Variants in MTHFD2L observed in about 807,000 individuals in gnomAD.
MTHFD2L encodes bifunctional methylenetetrahydrofolate dehydrogenase/cyclohydrolase 2, mitochondrial.
MTHFD2L carries 29 observed loss-of-function variants against 34.9 expected under a neutral mutation model. The ratio of observed to expected loss-of-function variants is 0.83; its 90% CI spans 0.62 to 1.13. The LOEUF (loss-of-function observed/expected upper bound fraction) is 1.13. MTHFD2L is among the 50% of genes most tolerant of loss of function. MTHFD2L has a pLI of 0.00. For missense variants in MTHFD2L, 481 were observed against 446.5 expected, an observed-to-expected ratio of 1.08 and a Z score of -0.70; for synonymous variants, 167 against 155.7, an observed-to-expected ratio of 1.07 and a Z score of -0.54.
intron 3 of MTHFD2L, among the ~76,000 whole-genome samples, chr4:74,198,598 A>AT (rs910479287): frequency 6.6e-6 from 1 of 151,956 alleles, no homozygotes; most frequent in Admixed American, 6.6e-5. Context: ...CATCACCTAG[A>AT]TTTTTTTTAA....
chr4:74,208,926 G>C (rs975786666), intron 5 of MTHFD2L, among the ~76,000 whole-genome samples: 1 of 152,150 alleles, frequency 6.6e-6, no homozygotes, highest in African/African-American at 2.4e-5. Context: ...CTGACAGAGG[G>C]TGCTGTTTTG....
intron 6 of MTHFD2L, among the ~76,000 whole-genome samples, chr4:74,230,312 G>C (rs1054431972): frequency 6.6e-6 from 1 of 151,880 alleles, no homozygotes; most frequent in Non-Finnish European, 1.5e-5. Context: ...AAAGGTGGCC[G>C]GGTGCAGTGG....
chr4:74,291,162 C>T (rs1279327872), intron 7 of MTHFD2L, among the ~76,000 whole-genome samples: 2 of 151,134 alleles, frequency 1.3e-5, no homozygotes, highest in Non-Finnish European at 1.5e-5. Flanking sequence ...GGACTACAGA[C>T]GCACGTGCCA....
upstream of MTHFD2L, among the ~76,000 whole-genome samples, chr4:74,121,401 C>G (rs1721754032): frequency 6.6e-6 from 1 of 151,674 alleles, no homozygotes; most frequent in South Asian, 2.1e-4. Flanking sequence ...TTTCCAATAT[C>G]CTATCTTTGT....
chr4:74,184,240 T>C (rs1376387190), intron 3 of MTHFD2L, among the ~76,000 whole-genome samples: 1 of 152,174 alleles, frequency 6.6e-6, no homozygotes, highest in Non-Finnish European at 1.5e-5. Flanking sequence ...GGTTGTCAAA[T>C]TGGTTAAAAA....
intron 1 of MTHFD2L, among the ~76,000 whole-genome samples, chr4:74,140,120 A>G (rs1294819495): frequency 1.3e-5 from 2 of 152,072 alleles, no homozygotes; most frequent in African/African-American, 2.4e-5. Flanking sequence ...GTTTGAGACC[A>G]GCCTGGGCAA....
At chr4:74,186,681 G>A (rs769914851) in intron 3 of MTHFD2L, among the ~76,000 whole-genome samples, 1 of 151,918 alleles carries the variant, frequency 6.6e-6, no homozygotes, top group Admixed American at 6.6e-5. Context: ...ACAAACTAAA[G>A]GAGGCCTAAA....
chr4:74,117,327 CTA>C (rs993624670), intron 2 of MTHFD2L, among the ~76,000 whole-genome samples: 3 of 152,154 alleles, frequency 2.0e-5, no homozygotes, highest in African/African-American at 7.2e-5. Flanking sequence ...TGAGTGTTTA[CTA>C]TGTGTGAGGT....
chr4:74,220,092 A>ATTT (rs35484581), intron 5 of MTHFD2L, among the ~76,000 whole-genome samples: 2 of 148,198 alleles, frequency 1.3e-5, no homozygotes, highest in Non-Finnish European at 1.5e-5. Context: ...TTTGGTTTTG[A>ATTT]TTTTTTTTTT....
chr4:74,195,938 A>C (rs547084534), intron 3 of MTHFD2L: 28 of 152,364 alleles, frequency 1.8e-4, no homozygotes, highest in African/African-American at 6.0e-4. Flanking sequence ...CAGAAGGATG[A>C]CTTTGAATAG....
intron 7 of MTHFD2L, among the ~76,000 whole-genome samples, chr4:74,300,452 A>G (rs1291309630): frequency 1.3e-5 from 2 of 152,032 alleles, no homozygotes; most frequent in African/African-American, 4.8e-5. Flanking sequence ...GACAACATCT[A>G]TTTATTTTGA....
chr4:74,226,847 A>T (rs1446849555), intron 6 of MTHFD2L, among the ~76,000 whole-genome samples: 2 of 152,210 alleles, frequency 1.3e-5, no homozygotes, highest in Non-Finnish European at 2.9e-5. Context: ...TGGGAGAGAG[A>T]GCAAATAAAC....
intron 3 of MTHFD2L, among the ~76,000 whole-genome samples, chr4:74,179,163 C>A (rs1248859424): frequency 6.6e-6 from 1 of 151,968 alleles, no homozygotes; most frequent in Non-Finnish European, 1.5e-5. Flanking sequence ...GAGCCAAGAC[C>A]CAAACCCAGA....
intron 3 of MTHFD2L, among the ~76,000 whole-genome samples, chr4:74,189,085 A>G (rs1560466343): frequency 6.6e-6 from 1 of 152,092 alleles, no homozygotes; most frequent in Admixed American, 6.6e-5. Context: ...AAGGTTAAAT[A>G]TAGATCAAGG....
At chr4:74,221,999 C>A (rs1433716098) in intron 5 of MTHFD2L, among the ~76,000 whole-genome samples, 1 of 151,674 alleles carries the variant, frequency 6.6e-6, no homozygotes, top group Non-Finnish European at 1.5e-5. Flanking sequence ...TGCTATTTGC[C>A]AGTAAAAATT....
At chr4:74,201,187 T>A in intron 4 of MTHFD2L, 76 bp from the exon 5 acceptor site, 1 of 1,026,030 alleles carries the variant, frequency 9.7e-7, no homozygotes, top group African/African-American at 1.6e-5. Flanking sequence ...TAAAAGAATG[T>A]TTCAGTTGGC....
intron 7 of MTHFD2L, chr4:74,293,348 A>G (rs140194448): frequency 7.9e-4 from 133 of 167,806 alleles, no homozygotes; most frequent in African/African-American, 2.9e-3. Flanking sequence ...TACATCTATA[A>G]TACAGATGAC....
upstream of MTHFD2L, chr4:74,158,068 C>T (rs1285496352): frequency 3.9e-6 from 6 of 1,531,038 alleles, no homozygotes; most frequent in East Asian, 7.4e-5. Flanking sequence ...AGGGCGGAGC[C>T]AGGCCTCCAG....
intron 1 of MTHFD2L, among the ~76,000 whole-genome samples, chr4:74,126,621 C>T (rs1467140677): frequency 6.6e-6 from 1 of 151,924 alleles, no homozygotes; most frequent in Non-Finnish European, 1.5e-5. Context: ...AAGTTTATTA[C>T]AACAAAGTTA....
Sources: allele counts gnomAD v4.1 joint callset (sites outside exome capture counted in the v4.1 genomes callset), GRCh38; gene constraint gnomAD v4.1.1; transcripts MANE v1.5; gene names NCBI Gene and HGNC (gene_info 2026-07-23, HGNC 2026-07-21).